Variants in CNBD1 observed in about 807,000 individuals in gnomAD.
The protein encoded by CNBD1 is cyclic nucleotide-binding domain-containing protein 1.
CNBD1 carries 71 observed loss-of-function variants against 54.4 expected under a neutral mutation model. That is an observed-to-expected ratio of 1.30 (90% confidence interval 1.08 to 1.59). The LOEUF (loss-of-function observed/expected upper bound fraction) is 1.59, where lower values mean the gene tolerates loss of function less well. Ranked by LOEUF, CNBD1 falls within the 40% of genes most tolerant of loss-of-function variation. The pLI is 0.00. For missense variants in CNBD1, 659 were observed against 518.0 expected, an observed-to-expected ratio of 1.27 and a Z score of -2.64; for synonymous variants, 182 against 170.7, an observed-to-expected ratio of 1.07 and a Z score of -0.51.
chr8:87,312,004 G>T (rs1049150462), intron 8 of CNBD1, among the ~76,000 whole-genome samples: 1 of 151,934 alleles, frequency 6.6e-6, no homozygotes, highest in Non-Finnish European at 1.5e-5. Context: ...AGTATGCTTA[G>T]TACCTAGCTG....
At chr8:87,264,123 A>C (rs1808200314) in intron 6 of CNBD1, among the ~76,000 whole-genome samples, 1 of 152,026 alleles carries the variant, frequency 6.6e-6, no homozygotes, top group African/African-American at 2.4e-5. Flanking sequence ...CATTAGGTAT[A>C]TCTCTTAATG....
intron 5 of CNBD1, among the ~76,000 whole-genome samples, chr8:87,227,225 A>G (rs1355144424): frequency 6.6e-6 from 1 of 151,490 alleles, no homozygotes; most frequent in East Asian, 1.9e-4. Flanking sequence ...TAATTGGAGC[A>G]TTTAGTCCAT....
In CNBD1 at chr8:87,324,435, G is replaced by C. The variant is rs930905812; in HGVS notation, c.1043-27250G>C. Among the ~76,000 whole-genome samples the C allele has an allele frequency of 3.4e-4, 47 of 139,870 alleles. 1 individual carries two copies. The highest frequency in any genetic ancestry group is 1.2e-3 in the African/African-American group (46 of 38,210). The allele number at this position is 139,870 out of a possible 152,430, so 91.8% of individuals were successfully genotyped here. A position where few individuals can be genotyped will look rare whatever the true frequency, so the allele number is the denominator to read the frequency against. ...TCGGCTGTGAATCCATCTGGTCCTG[G>C]GCTCTTTTTGGTTGGTAAACTATTG... On this transcript the variant is annotated intron_variant, in intron 8 of 10. Transcript: ENST00000518476.
At chr8:87,047,627 C>G (rs1376689046) in intron 4 of CNBD1, among the ~76,000 whole-genome samples, 1 of 152,208 alleles carries the variant, frequency 6.6e-6, no homozygotes, top group East Asian at 1.9e-4. Flanking sequence ...GTCTGCTTTT[C>G]CACTCAGGAG....
intron 4 of CNBD1, among the ~76,000 whole-genome samples, chr8:87,059,684 C>T (rs961452359): frequency 2.0e-5 from 3 of 152,214 alleles, no homozygotes; most frequent in Non-Finnish European, 4.4e-5. Context: ...TGGAGATAGC[C>T]ACTCCCATGA....
chr8:87,103,213 G>A (rs1321739316), intron 4 of CNBD1, among the ~76,000 whole-genome samples: 1 of 152,158 alleles, frequency 6.6e-6, no homozygotes, highest in African/African-American at 2.4e-5. Flanking sequence ...CCAAGAAGAG[G>A]TATGGTGAGT....
At chr8:87,130,260 G>A (rs1812091548) in intron 4 of CNBD1, among the ~76,000 whole-genome samples, 2 of 152,036 alleles carry the variant, frequency 1.3e-5, no homozygotes, top group Non-Finnish European at 2.9e-5. Flanking sequence ...ATTATGGTTA[G>A]AGCACATATT....
At chr8:87,140,034 G>A (rs1812340713) in intron 4 of CNBD1, among the ~76,000 whole-genome samples, 1 of 152,034 alleles carries the variant, frequency 6.6e-6, no homozygotes, top group African/African-American at 2.4e-5. Flanking sequence ...CCAAGATCCA[G>A]TTCTCTAAAA....
At chr8:87,414,200 T>C (rs1268646444) in intron 2 of CNBD1, among the ~76,000 whole-genome samples, 2 of 151,940 alleles carry the variant, frequency 1.3e-5, no homozygotes, top group African/African-American at 4.8e-5. Flanking sequence ...CCATAAAAAA[T>C]GAAGAGTTCA....
intron 9 of CNBD1, 108 bp from the exon 10 acceptor site, chr8:87,353,528 A>C: frequency 2.9e-6 from 2 of 679,296 alleles, no homozygotes; most frequent in Non-Finnish European, 2.4e-6. Context: ...AATTTATTTT[A>C]AATATCATTT....
chr8:87,114,859 T>A (rs1001225293), intron 4 of CNBD1, among the ~76,000 whole-genome samples: 1 of 152,176 alleles, frequency 6.6e-6, no homozygotes, highest in South Asian at 2.1e-4. Context: ...ACACACATGT[T>A]CACGTTCATC....
intron 4 of CNBD1, among the ~76,000 whole-genome samples, chr8:87,122,954 A>C (rs1329888278): frequency 6.6e-6 from 1 of 151,746 alleles, no homozygotes; most frequent in East Asian, 1.9e-4. Context: ...ATAGCTTTGT[A>C]ATTTGTTTTC....
chr8:87,377,046 C>T (rs1381584604), intron 10 of CNBD1, among the ~76,000 whole-genome samples: 1 of 146,006 alleles, frequency 6.8e-6, no homozygotes, highest in Non-Finnish European at 1.5e-5. Context: ...ATTTAGAAAA[C>T]TCCAATTTTT....
chr8:86,980,390 A>T (rs1378013153), intron 4 of CNBD1, among the ~76,000 whole-genome samples: 1 of 152,222 alleles, frequency 6.6e-6, no homozygotes, highest in Non-Finnish European at 1.5e-5. Flanking sequence ...TTTACTGTAC[A>T]CATTTATCCA....
chr8:87,355,896 A>AG (rs1810410352), intron 10 of CNBD1, among the ~76,000 whole-genome samples: 1 of 152,038 alleles, frequency 6.6e-6, no homozygotes, highest in Admixed American at 6.5e-5. Flanking sequence ...TGGATCCTTT[A>AG]TGAATGGCTT....
intron 2 of CNBD1, among the ~76,000 whole-genome samples, chr8:86,899,162 G>A (rs554367185): frequency 1.3e-5 from 2 of 152,072 alleles, no homozygotes; most frequent in Non-Finnish European, 2.9e-5. Context: ...GTTACTAGGG[G>A]CAAGGGTGAA....
chr8:87,144,588 G>A (rs1020676197), intron 4 of CNBD1, among the ~76,000 whole-genome samples: 9 of 152,218 alleles, frequency 5.9e-5, no homozygotes, highest in African/African-American at 1.7e-4. Context: ...TCGGGAGGCC[G>A]AGGCAGGTGG....
intron 4 of CNBD1, among the ~76,000 whole-genome samples, chr8:86,947,559 G>T (rs1330069766): frequency 2.6e-5 from 4 of 152,030 alleles, no homozygotes; most frequent in Admixed American, 2.6e-4. Context: ...TCATTTTTTT[G>T]TAAACTGATA....
intron 8 of CNBD1, among the ~76,000 whole-genome samples, chr8:87,322,143 T>G (rs1456454789): frequency 8.2e-6 from 1 of 121,384 alleles, no homozygotes; most frequent in African/African-American, 3.2e-5. Context: ...TCATCATTTT[T>G]TATGGCTGCA....
Sources: allele counts gnomAD v4.1 joint callset (sites outside exome capture counted in the v4.1 genomes callset), GRCh38; gene constraint gnomAD v4.1.1; transcripts MANE v1.5; gene names NCBI Gene and HGNC (gene_info 2026-07-23, HGNC 2026-07-21).